The following MEGF10 variants were observed in gnomAD, a reference collection of about 807,000 sequenced individuals.
The protein encoded by MEGF10 is multiple epidermal growth factor-like domains protein 10.
A neutral mutation model predicts 147.5 loss-of-function variants in MEGF10; 86 were observed. The ratio of observed to expected loss-of-function variants is 0.58; its 90% confidence interval spans 0.49 to 0.70. The LOEUF is 0.70. Ranked by LOEUF, MEGF10 falls within the 30% of genes least tolerant of loss-of-function variation. The probability of loss-of-function intolerance (pLI) is 0.00; values close to 1 mark genes in which losing one functional copy is unlikely to be tolerated. For synonymous variants in MEGF10, 478 were observed against 525.5 expected (o/e 0.91, Z 1.24); for missense variants, 1,329 against 1,487.3 (o/e 0.89, Z 1.75).
chr5:127,441,233 T>G (rs1765746386), intron 18 of MEGF10, among the ~76,000 whole-genome samples: 1 of 152,218 alleles, frequency 6.6e-6, no homozygotes. Context: ...GGTCTCACAT[T>G]GGAGGACAGT....
chr5:127,234,246 G>A, the MEGF10 span, among the ~76,000 whole-genome samples: 1 of 152,166 alleles, frequency 6.6e-6, no homozygotes, highest in South Asian at 2.1e-4. Flanking sequence ...AGTCACTTGA[G>A]TCTATGTGCC....
chr5:127,275,849 T>C, the MEGF10 span, among the ~76,000 whole-genome samples: 1 of 152,214 alleles, frequency 6.6e-6, no homozygotes, highest in East Asian at 1.9e-4. Context: ...GGAAAAGATA[T>C]TTGTGAGACT....
chr5:127,451,987 C>G (rs952078926), intron 22 of MEGF10, among the ~76,000 whole-genome samples: 1 of 152,280 alleles, frequency 6.6e-6, no homozygotes, highest in Non-Finnish European at 1.5e-5. Context: ...CCCTCACTTA[C>G]CCTTGATTCG....
rs150014181 is a variant in MEGF10, at chr5:127,420,321, G to A, written c.1590+114G>A. On this transcript the variant is annotated intron_variant, in intron 12 of 24. Coordinates refer to ENST00000503335, the MANE Select transcript of MEGF10 (RefSeq NM_001256545.2). The stretch of plus-strand genomic sequence containing the variant: ...AGTGGCTCACTGTGAACCCAACTTC[G>A]GTAACTACTGGAAGAATCCAGGTAT... 1,108 of 1,118,502 alleles carry A rather than the reference G, an allele frequency of 9.9e-4. 11 individuals carry two copies. The African/African-American group carries it at 0.015, about 16-fold the overall frequency. 69.3% of individuals were successfully genotyped at this position (1,118,502 alleles called of 1,614,324 possible). A position where few individuals can be genotyped will look rare whatever the true frequency, so the allele number is the denominator to read the frequency against.
the MEGF10 span, among the ~76,000 whole-genome samples, chr5:127,283,040 C>T: frequency 6.6e-6 from 1 of 152,132 alleles, no homozygotes; most frequent in Non-Finnish European, 1.5e-5. Flanking sequence ...TTTGGGCCTC[C>T]CAGCTGCCCT....
intron 2 of MEGF10, among the ~76,000 whole-genome samples, chr5:127,337,964 A>G (rs1761529599): frequency 6.6e-6 from 1 of 152,130 alleles, no homozygotes; most frequent in South Asian, 2.1e-4. Flanking sequence ...AATGAAATAC[A>G]CAAAACTATG....
At chr5:127,328,087 C>A (rs115909190) in intron 1 of MEGF10, among the ~76,000 whole-genome samples, 9 of 152,242 alleles carry the variant, frequency 5.9e-5, no homozygotes, top group Non-Finnish European at 1.2e-4. Flanking sequence ...AATGAAAGGA[C>A]AATCCATGTT....
Position 127,387,997 on chromosome 5 carries a change from A to G in MEGF10, c.413-8535A>G, listed in dbSNP as rs142300868. ...AAAGTTATAGCGCTCTACACTCACA[A>G]TCACTCTCATTTATTCACCAGATAT... is the stretch of plus-strand genomic sequence containing the variant. On this transcript the variant is annotated intron_variant, in intron 5 of 24. Coordinates refer to ENST00000503335, the MANE Select transcript of MEGF10 (RefSeq NM_001256545.2). Among the ~76,000 whole-genome samples, 723 of 152,230 alleles carry G rather than the reference A, an allele frequency of 4.7e-3. 5 individuals carry two copies. Among genetic ancestry groups the G allele is most frequent in the African/African-American group, 0.017 (694 of 41,538 alleles).
At chr5:127,353,703 T>A (rs1762174601) in intron 4 of MEGF10, among the ~76,000 whole-genome samples, 2 of 152,142 alleles carry the variant, frequency 1.3e-5, no homozygotes, top group Admixed American at 1.3e-4. Context: ...AGGAAGGGAC[T>A]GTTCTGATGA....
chr5:127,339,038 GC>G, intron 2 of MEGF10, 81 bp from the exon 3 acceptor site: 1 of 762,142 alleles, frequency 1.3e-6, no homozygotes, highest in Non-Finnish European at 2.0e-6. Flanking sequence ...AGATAATTTA[GC>G]TTACAAACTT....
At chr5:127,449,680 G>T (rs930542409) in intron 22 of MEGF10, among the ~76,000 whole-genome samples, 3 of 152,104 alleles carry the variant, frequency 2.0e-5, no homozygotes, top group Admixed American at 1.3e-4. Flanking sequence ...GCTCTTCCTT[G>T]TTCTCTTTTG....
chr5:127,278,323 C>A, the MEGF10 span, among the ~76,000 whole-genome samples: 1 of 150,344 alleles, frequency 6.7e-6, no homozygotes, highest in African/African-American at 2.5e-5. Flanking sequence ...CATTTGATTA[C>A]CTTGAAAAAA....
chr5:127,257,636 T>C, the MEGF10 span, among the ~76,000 whole-genome samples: 1 of 152,162 alleles, frequency 6.6e-6, no homozygotes, highest in Non-Finnish European at 1.5e-5. Context: ...TCAATTTAGA[T>C]GTTTATTTTG....
rs1209687071 is a variant in MEGF10, at chr5:127,433,345, C to G, written c.1694-18C>G. On this transcript the variant is annotated intron_variant, in intron 13 of 24. Coordinates refer to ENST00000503335, the MANE Select transcript of MEGF10 (RefSeq NM_001256545.2). ...GCACTGCCTCTCACTCAGCCTTGCC[C>G]CATGTGCATTATTTCAGGTGTCCAC... The G allele has an allele frequency of 1.9e-6, 3 of 1,614,156 alleles. No homozygotes were observed. Among genetic ancestry groups the G allele is most frequent in the Non-Finnish European group, 2.5e-6 (3 of 1,180,016 alleles).
At chr5:127,247,452 GAAGAAGAAGAAGAAGAAGAAGAAGAAGAA>G in the MEGF10 span, among the ~76,000 whole-genome samples, 1 of 128,020 alleles carries the variant, frequency 7.8e-6, no homozygotes, top group Non-Finnish European at 1.7e-5. Context: ...AGAAGAAGAA[GAAGAAGAAGAAGAAGAAGAAGAAGAAGAA>G]GAAGAAAAAT....
chr5:127,445,651 A>G lies in MEGF10; in HGVS notation c.2686A>G (p.Thr896Ala), dbSNP rs1318829482. 1.9e-6 allele frequency: 3 copies of G among 1,613,842 alleles called. No homozygotes were observed. The highest frequency in any genetic ancestry group is 2.5e-6 in the Non-Finnish European group (3 of 1,179,990). The change falls in exon 20 of 25, where the codon ACC (threonine) becomes GCC (alanine). Residue 896 changes from threonine to alanine, a missense_variant. Thr to Ala is a moderately conservative substitution (Grantham distance 58). Around this residue, in one of 3 missense-constraint regions of MEGF10, gnomAD observed 343 missense variants for 377.9 expected, o/e 0.91. Transcript: ENST00000503335. The part of the protein sequence containing the change: ...KESSMPAVTY[T>A]PAMRVVNADY... ...ATCAAGCATGCCAGCAGTTACCTAC[A>G]CCCCTGCTATGAGGGTCGTCAATGC...
At chr5:127,262,707 C>T in the MEGF10 span, among the ~76,000 whole-genome samples, 1 of 152,124 alleles carries the variant, frequency 6.6e-6, no homozygotes, top group Admixed American at 6.6e-5. Context: ...TCTTCCTTCT[C>T]CCTAGTCCAG....
chr5:127,361,179 G>GT (rs1762458738), intron 4 of MEGF10, among the ~76,000 whole-genome samples: 1 of 151,860 alleles, frequency 6.6e-6, no homozygotes, highest in African/African-American at 2.4e-5. Context: ...GGAATTGGAG[G>GT]TTTTTTAAAA....
chr5:127,230,355 C>T, the MEGF10 span, among the ~76,000 whole-genome samples: 7 of 152,022 alleles, frequency 4.6e-5, no homozygotes, highest in Non-Finnish European at 8.8e-5. Context: ...GTTGAAACCC[C>T]GGTGTCCCCA....
Sources: gnomAD v4.1 joint callset for allele counts (sites outside exome capture counted in the v4.1 genomes callset) on GRCh38, gnomAD v4.1.1 for gene constraint, gnomAD v4.1.1 regional missense constraint, MANE v1.5 for transcripts, NCBI Gene and HGNC (gene_info 2026-07-23, HGNC 2026-07-21) for gene names.